Variants in CARHSP1 observed in about 807,000 individuals in gnomAD.
CARHSP1 encodes the protein calcium regulated heat stable protein 1, also known as calcium-regulated heat-stable protein 1.
In CARHSP1, 14 loss-of-function variants were observed where a neutral mutation model predicts 12.5. That is an observed-to-expected ratio of 1.12 (90% CI 0.74 to 1.75). The LOEUF (loss-of-function observed/expected upper bound fraction) is 1.75. Ranked by LOEUF, CARHSP1 falls within the 40% of genes most tolerant of loss-of-function variation. The pLI is 0.00. For missense variants in CARHSP1, 343 were observed against 201.6 expected, an observed-to-expected ratio of 1.70 and a Z score of -4.25; for synonymous variants, 161 against 82.0, an observed-to-expected ratio of 1.96 and a Z score of -5.20.
intron 1 of CARHSP1, chr16:8,860,313 T>G (rs1471199634): frequency 1.0e-6 from 1 of 984,948 alleles, no homozygotes; most frequent in Admixed American, 6.2e-5. Flanking sequence ...CACCACGCTG[T>G]TATGAAATCA....
At chr16:8,857,413 G>A (rs2141084063) in intron 3 of CARHSP1, 1 of 146,516 alleles carries the variant, frequency 6.8e-6, no homozygotes, top group Admixed American at 6.8e-5. Context: ...CTCCGAAGTA[G>A]CTGGGATTAC....
chr16:8,855,061 C>G lies in CARHSP1; in HGVS notation c.*103G>C. 9.5e-7 allele frequency: 1 copy of G among 1,056,714 alleles called. No individual in the cohort carries two copies. Among genetic ancestry groups the G allele is most frequent in the Non-Finnish European group, 1.3e-6 (1 of 778,104 alleles). The allele number at this position is 1,056,714 out of a possible 1,614,324, so 65.5% of individuals were successfully genotyped here. The stretch of plus-strand genomic sequence containing the variant: ...GATACTTGAGAGGGACCATGCCCGG[C>G]TGAAGCCCCGTCTCGTGTGGAAGAA... On this transcript the variant is annotated 3_prime_UTR_variant, in exon 4 of 4. Coordinates refer to ENST00000311052, the MANE Select transcript of CARHSP1 (RefSeq NM_014316.4).
chr16:8,853,032 T>A lies in CARHSP1; in HGVS notation c.*2132A>T, dbSNP rs953223876. 6.6e-6 allele frequency: 1 copy of A among 152,210 alleles called. No homozygotes were observed. The highest frequency in any genetic ancestry group is 2.1e-4 in the South Asian group (1 of 4,828). 9.4% of individuals were successfully genotyped at this position (152,210 alleles called of 1,614,324 possible). ...AGGAATCCTCAATTTTAGCTCTCGC[T>A]CTGTCACCAAAACCCTCCGTCCCTC... On this transcript the variant is annotated 3_prime_UTR_variant, in exon 4 of 4. Transcript: ENST00000311052.
intron 1 of CARHSP1, among the ~76,000 whole-genome samples, chr16:8,863,103 C>G (rs1330992675): frequency 7.9e-6 from 1 of 126,642 alleles, no homozygotes; most frequent in Admixed American, 8.5e-5. Context: ...GGAATGGCCA[C>G]AAGGATGGCT....
At chr16:8,858,318 A>C in intron 3 of CARHSP1, 32 bp downstream of exon 3, 1 of 1,608,642 alleles carries the variant, frequency 6.2e-7, no homozygotes, top group South Asian at 1.1e-5. Flanking sequence ...CGCCCACCCC[A>C]GCCAGGCCAC....
At chr16:8,861,989 CTTTTTTTTTTTTTTTT>C (rs537614451) in intron 1 of CARHSP1, among the ~76,000 whole-genome samples, 2 of 79,808 alleles carry the variant, frequency 2.5e-5, no homozygotes, top group African/African-American at 4.0e-5. Context: ...GCATAGCTGA[CTTTTTTTTTTTTTTTT>C]TTTTTTTTTT....
At chr16:8,863,001 G>A (rs1264446054) in intron 1 of CARHSP1, among the ~76,000 whole-genome samples, 4 of 152,194 alleles carry the variant, frequency 2.6e-5, no homozygotes, top group African/African-American at 7.2e-5. Flanking sequence ...ATGGCCTGTA[G>A]GGGTGAGGAG....
chr16:8,860,590 C>G, intron 1 of CARHSP1: 1 of 883,712 alleles, frequency 1.1e-6, no homozygotes, highest in Non-Finnish European at 1.4e-6. Context: ...AGTGGGGCAG[C>G]TGGGTGGGCA....
Position 8,855,013 on chromosome 16 carries a change from C to CCCCCCAAA in CARHSP1, c.*150_*151insTTTGGGGG. The CCCCCCAAA allele has an allele frequency of 5.3e-6, 3 of 570,016 alleles. No homozygotes were observed. The highest frequency in any genetic ancestry group is 3.6e-5 in the East Asian group (1 of 27,944). The allele number at this position is 570,016 out of a possible 1,614,324, so 35.3% of individuals were successfully genotyped here. On this transcript the variant is annotated 3_prime_UTR_variant, in exon 4 of 4. Coordinates refer to ENST00000311052, the MANE Select transcript of CARHSP1 (RefSeq NM_014316.4). ...GGAACACCCCACACCCCACACCTGCCCCCCATACCCCTTCCTCCAGGAGAT... is the reference window on the plus strand; with the variant it reads ...GGAACACCCCACACCCCACACCTGCCCCCCCAAACCCCATACCCCTTCCTCCAGGAGAT...
chr16:8,856,758 G>A (rs1315828779), intron 3 of CARHSP1, among the ~76,000 whole-genome samples: 1 of 152,130 alleles, frequency 6.6e-6, no homozygotes, highest in Non-Finnish European at 1.5e-5. Flanking sequence ...AGACTTGGGG[G>A]TGCTTAGGCC....
At chr16:8,856,307 C>G (rs1054969916) in intron 3 of CARHSP1, among the ~76,000 whole-genome samples, 1 of 152,144 alleles carries the variant, frequency 6.6e-6, no homozygotes, top group Non-Finnish European at 1.5e-5. Context: ...AATGCAAGGG[C>G]CAGCCAGCTC....
chr16:8,861,801 G>C, intron 1 of CARHSP1: 1 of 1,217,046 alleles, frequency 8.2e-7, no homozygotes, highest in Non-Finnish European at 1.0e-6. Context: ...AGGTCATAGA[G>C]TCCTAGAATG....
At chr16:8,865,914 G>A (rs974267550) in intron 1 of CARHSP1, among the ~76,000 whole-genome samples, 5 of 152,178 alleles carry the variant, frequency 3.3e-5, no homozygotes, top group African/African-American at 9.6e-5. Flanking sequence ...AATGCAGATT[G>A]CCATTCAGCA....
chr16:8,858,153 G>A, intron 3 of CARHSP1, 197 bp downstream of exon 3: 1 of 633,008 alleles, frequency 1.6e-6, no homozygotes, highest in Non-Finnish European at 2.7e-6. Flanking sequence ...CCCCAACACA[G>A]CTCCGTAGAG....
intron 1 of CARHSP1, among the ~76,000 whole-genome samples, chr16:8,862,422 G>A (rs1459567717): frequency 3.3e-5 from 5 of 152,260 alleles, no homozygotes; most frequent in African/African-American, 1.2e-4. Context: ...GCACTCAACA[G>A]ACACGTGCCC....
chr16:8,855,255 T>C lies in CARHSP1; in HGVS notation c.353A>G (p.Asn118Ser), dbSNP rs1254728730. 1 of 1,613,080 alleles carries C rather than the reference T, an allele frequency of 6.2e-7. No homozygotes were observed. Among genetic ancestry groups the C allele is most frequent in the African/African-American group, 1.3e-5 (1 of 74,882 alleles). The change falls in exon 4 of 4, where the codon AAT (asparagine) becomes AGT (serine). Residue 118 changes from asparagine (N) to serine (S), a missense_variant. Asn to Ser is a conservative substitution (Grantham distance 46). Transcript: ENST00000311052. ...TYKMCSIPPK[N>S]EKLQAVEVVI... ...GACCTCCACGGCCTGCAGCTTCTCA[T>C]TCTTGGGTGGGATGGAGCACATTTT...
chr16:8,866,176 C>T (rs1315759033), intron 1 of CARHSP1, among the ~76,000 whole-genome samples: 2 of 152,122 alleles, frequency 1.3e-5, no homozygotes, highest in African/African-American at 2.4e-5. Flanking sequence ...CTGGTCTCGA[C>T]CTCCCAGGCT....
intron 1 of CARHSP1, among the ~76,000 whole-genome samples, chr16:8,864,829 C>T (rs1187649919): frequency 6.6e-6 from 1 of 152,186 alleles, no homozygotes; most frequent in Non-Finnish European, 1.5e-5. Flanking sequence ...GGGAATTTTC[C>T]GTAGGCTCTG....
chr16:8,859,535 T>C (rs2061275952), intron 1 of CARHSP1, among the ~76,000 whole-genome samples, 200 bp from the exon 2 acceptor site: 1 of 151,694 alleles, frequency 6.6e-6, no homozygotes, highest in Non-Finnish European at 1.5e-5. Context: ...TGGGGCCCCC[T>C]CGATCATAGC....
Sources: gnomAD v4.1 joint callset for allele counts (sites outside exome capture counted in the v4.1 genomes callset) on GRCh38, gnomAD v4.1.1 for gene constraint, MANE v1.5 for transcripts, NCBI Gene and HGNC (gene_info 2026-07-23, HGNC 2026-07-21) for gene names.